Variants in NCKAP5 observed in about 807,000 individuals in gnomAD.
The protein encoded by NCKAP5 is nck-associated protein 5.
NCKAP5 carries 92 observed loss-of-function variants against 167.0 expected under a neutral mutation model. That is an observed-to-expected ratio of 0.55 (90% CI 0.47 to 0.66). NCKAP5 has a LOEUF of 0.66. Ranked by LOEUF, NCKAP5 falls within the 30% of genes least tolerant of loss-of-function variation. The pLI, the probability that NCKAP5 is intolerant of heterozygous loss-of-function variation, is 0.00. For synonymous variants in NCKAP5, 891 were observed against 877.4 expected, an observed-to-expected ratio of 1.02 and a Z score of -0.27; for missense variants, 2,378 against 2,315.0, an observed-to-expected ratio of 1.03 and a Z score of -0.56.
chr2:133,628,187 A>C, the NCKAP5 span, among the ~76,000 whole-genome samples: 10 of 152,278 alleles, frequency 6.6e-5, no homozygotes, highest in African/African-American at 2.4e-4. Flanking sequence ...CAAATAGGAA[A>C]AGAGGAAGTC....
chr2:132,950,813 A>G (rs1338124340), intron 8 of NCKAP5, among the ~76,000 whole-genome samples: 1 of 152,196 alleles, frequency 6.6e-6, no homozygotes, highest in Non-Finnish European at 1.5e-5. Flanking sequence ...CTCTAAATGA[A>G]TTCCTGATCA....
intron 5 of NCKAP5, among the ~76,000 whole-genome samples, chr2:133,171,037 C>T (rs1456987243): frequency 6.6e-6 from 1 of 152,090 alleles, no homozygotes; most frequent in African/African-American, 2.4e-5. Context: ...TTTGAAGAGA[C>T]TATCTGAAGC....
chr2:133,025,160 A>G (rs2078654127), intron 6 of NCKAP5, among the ~76,000 whole-genome samples: 1 of 152,174 alleles, frequency 6.6e-6, no homozygotes, highest in Non-Finnish European at 1.5e-5. Context: ...TATTCCTCCT[A>G]CTATCTTTTG....
chr2:133,155,155 C>G (rs1453129353), intron 5 of NCKAP5, among the ~76,000 whole-genome samples: 1 of 152,176 alleles, frequency 6.6e-6, no homozygotes, highest in Admixed American at 6.5e-5. Context: ...AATGTTTGTG[C>G]CCTCATCAAT....
chr2:132,743,012 A>T (rs72844780), intron 16 of NCKAP5, among the ~76,000 whole-genome samples: 15,385 of 151,920 alleles, frequency 0.1, 964 homozygotes, highest in East Asian at 0.14. Flanking sequence ...GGGTAAAAAT[A>T]TATATAGATT....
chr2:133,598,032 C>T, the NCKAP5 span, among the ~76,000 whole-genome samples: 1 of 152,178 alleles, frequency 6.6e-6, no homozygotes, highest in South Asian at 2.1e-4. Context: ...TGACTAAGAG[C>T]ACAAACTTGG....
chr2:133,547,111 G>T (rs1440769904), intron 2 of NCKAP5, among the ~76,000 whole-genome samples: 1 of 152,202 alleles, frequency 6.6e-6, no homozygotes, highest in Non-Finnish European at 1.5e-5. Flanking sequence ...CAAAGAAAGG[G>T]GTGACGGACG....
intron 3 of NCKAP5, among the ~76,000 whole-genome samples, chr2:133,365,860 G>A (rs1416960199): frequency 1.3e-5 from 2 of 152,170 alleles, no homozygotes; most frequent in Non-Finnish European, 2.9e-5. Flanking sequence ...TGTGTCCACT[G>A]TACAATTCAG....
intron 6 of NCKAP5, among the ~76,000 whole-genome samples, chr2:133,020,336 C>A (rs2078482196): frequency 6.6e-6 from 1 of 152,176 alleles, no homozygotes; most frequent in Non-Finnish European, 1.5e-5. Flanking sequence ...AAGCTGAGTC[C>A]TATGGTGGTC....
chr2:133,385,517 T>C (rs1307943690), intron 3 of NCKAP5, among the ~76,000 whole-genome samples: 1 of 152,186 alleles, frequency 6.6e-6, no homozygotes, highest in Non-Finnish European at 1.5e-5. Flanking sequence ...TCTTTTTTTG[T>C]TGTGTCTCTG....
At position 133,419,574 on chromosome 2, in the gene NCKAP5, T is replaced by C. The variant is rs143247759; in HGVS notation, c.69+97884A>G. 4.6e-3 allele frequency among the ~76,000 whole-genome samples: 708 copies of C among 152,324 alleles called. 24 individuals are homozygous for C. The highest frequency in any genetic ancestry group is 0.037 in the Admixed American group (570 of 15,300). ...CCTTTTTAGATGAAAAGTACTCTTTTGTTTGCCACATTCATTACCACTCCC... is the reference window on the plus strand; with the variant it reads ...CCTTTTTAGATGAAAAGTACTCTTTCGTTTGCCACATTCATTACCACTCCC... On this transcript the variant is annotated intron_variant, in intron 3 of 19. Transcript: ENST00000409261.
At chr2:132,897,804 A>G (rs764396486) in intron 8 of NCKAP5, among the ~76,000 whole-genome samples, 4 of 152,248 alleles carry the variant, frequency 2.6e-5, no homozygotes, top group Non-Finnish European at 5.9e-5. Context: ...TGTACACACC[A>G]TAATTCAAAA....
chr2:133,629,965 A>C, the NCKAP5 span, among the ~76,000 whole-genome samples: 25 of 152,164 alleles, frequency 1.6e-4, 1 homozygote, highest in East Asian at 4.6e-3. Flanking sequence ...GGAACAACAC[A>C]TACTGGGGCC....
At chr2:132,823,746 T>C (rs368160331) in intron 11 of NCKAP5, among the ~76,000 whole-genome samples, 2 of 152,168 alleles carry the variant, frequency 1.3e-5, no homozygotes, top group East Asian at 1.9e-4. Flanking sequence ...AATGCTCTAC[T>C]TAAAAGATAC....
intron 11 of NCKAP5, among the ~76,000 whole-genome samples, chr2:132,840,930 C>T (rs1030168518): frequency 6.6e-6 from 1 of 152,048 alleles, no homozygotes; most frequent in Non-Finnish European, 1.5e-5. Context: ...TAATTGGACC[C>T]ATGCATTTCA....
At chr2:132,911,017 T>C (rs1009464219) in intron 8 of NCKAP5, 1 of 181,640 alleles carries the variant, frequency 5.5e-6, no homozygotes, top group Non-Finnish European at 1.2e-5. Flanking sequence ...TGATATTCCG[T>C]GCCATGTTGT....
the NCKAP5 span, among the ~76,000 whole-genome samples, chr2:133,579,545 A>T: frequency 6.6e-6 from 1 of 152,132 alleles, no homozygotes; most frequent in Non-Finnish European, 1.5e-5. Context: ...AGGCCAGTTG[A>T]GGGTTGGCCA....
intron 8 of NCKAP5, among the ~76,000 whole-genome samples, chr2:132,918,978 T>C (rs1043666657): frequency 6.6e-6 from 1 of 152,212 alleles, no homozygotes; most frequent in Admixed American, 6.6e-5. Context: ...GTTGGCACCA[T>C]GGTAAGTCAC....
chr2:133,226,167 C>T (rs1421369309), intron 4 of NCKAP5, among the ~76,000 whole-genome samples: 2 of 152,084 alleles, frequency 1.3e-5, no homozygotes, highest in East Asian at 3.9e-4. Context: ...TCTTGAATTC[C>T]TGGGCTCAAG....
Sources: allele counts gnomAD v4.1 joint callset (sites outside exome capture counted in the v4.1 genomes callset), GRCh38; gene constraint gnomAD v4.1.1; transcripts MANE v1.5; gene names NCBI Gene and HGNC (gene_info 2026-07-23, HGNC 2026-07-21).